Variants in RALGAPA2 observed in about 807,000 individuals in gnomAD.
RALGAPA2 encodes the protein Ral GTPase activating protein catalytic subunit alpha 2.
A neutral mutation model predicts 230.4 loss-of-function variants in RALGAPA2; 139 were observed. The ratio of observed to expected loss-of-function variants is 0.60; its 90% CI spans 0.53 to 0.69. The LOEUF (loss-of-function observed/expected upper bound fraction) is 0.69. RALGAPA2 is among the 30% of genes least tolerant of loss of function. RALGAPA2 has a pLI of 0.00. For missense variants in RALGAPA2, 2,163 were observed against 2,276.0 expected (o/e 0.95, Z 1.01); for synonymous variants, 847 against 837.8 (o/e 1.01, Z -0.19).
intron 36 of RALGAPA2, among the ~76,000 whole-genome samples, chr20:20,489,592 CCAA>C (rs1479509577): frequency 6.6e-6 from 1 of 151,216 alleles, no homozygotes; most frequent in South Asian, 2.1e-4. Context: ...AGCAAAAAAC[CCAA>C]CAACAACAAA....
chr20:20,505,739 C>T (rs1308329933), intron 33 of RALGAPA2, among the ~76,000 whole-genome samples: 2 of 152,086 alleles, frequency 1.3e-5, no homozygotes, highest in African/African-American at 4.8e-5. Flanking sequence ...TTATTATCAC[C>T]TCCCTAGTAG....
At position 20,421,919 on chromosome 20, in the gene RALGAPA2, A is replaced by G. The variant is rs6106247; in HGVS notation, c.5496-9771T>C. On this transcript the variant is annotated intron_variant, in intron 37 of 39. Coordinates refer to ENST00000202677, the MANE Select transcript of RALGAPA2 (RefSeq NM_020343.4). ...CTGATGAATGGATAAACAAAATGTA[A>G]TATAACATATAATAAAATATTATTC... Among the ~76,000 whole-genome samples, 1,202 of 152,346 alleles carry G rather than the reference A, an allele frequency of 7.9e-3. 21 individuals are homozygous for G. The highest frequency in any genetic ancestry group is 0.027 in the African/African-American group (1,135 of 41,570).
chr20:20,674,772 A>T (rs1449648178), intron 3 of RALGAPA2, among the ~76,000 whole-genome samples: 1 of 152,232 alleles, frequency 6.6e-6, no homozygotes, highest in Non-Finnish European at 1.5e-5. Flanking sequence ...TTTCTATTAC[A>T]CTCAAAACAA....
Position 20,653,569 on chromosome 20 carries a change from G to A in RALGAPA2, c.289C>T (p.Pro97Ser). ...FLFEKILQFL[P>S]ERIFFRWHYQ... is the part of the protein sequence containing the mutation. ...TGCCATCGAAAGAAAATTCGTTCAG[G>A]TAGAAACTGCAGTATTTTCTATTAA... The change falls in exon 4 of 40, where the codon CCT (proline) becomes TCT (serine). Residue 97 changes from proline (P) to serine (S), a missense_variant. By Grantham distance (74) the Pro-to-Ser change is moderately conservative. Coordinates refer to ENST00000202677, the MANE Select transcript of RALGAPA2 (RefSeq NM_020343.4). The A allele has an allele frequency of 6.7e-7, 1 of 1,497,786 alleles. No homozygotes were observed. The highest frequency in any genetic ancestry group is 9.1e-7 in the Non-Finnish European group (1 of 1,102,696). The allele number at this position is 1,497,786 out of a possible 1,614,324, so 92.8% of individuals were successfully genotyped here.
At chr20:20,440,294 G>A (rs1406336473) in intron 37 of RALGAPA2, among the ~76,000 whole-genome samples, 1 of 152,184 alleles carries the variant, frequency 6.6e-6, no homozygotes, top group African/African-American at 2.4e-5. Flanking sequence ...TTTTTGTATG[G>A]TGACGACTTG....
chr20:20,685,413 T>C (rs2068664948), intron 1 of RALGAPA2, among the ~76,000 whole-genome samples: 3 of 152,188 alleles, frequency 2.0e-5, no homozygotes, highest in Admixed American at 2.0e-4. Flanking sequence ...TCATGTGTTA[T>C]GCTTTAAAGG....
At chr20:20,600,822 G>A (rs1367119701) in intron 16 of RALGAPA2, among the ~76,000 whole-genome samples, 2 of 152,144 alleles carry the variant, frequency 1.3e-5, no homozygotes, top group Non-Finnish European at 2.9e-5. Context: ...AAAATGTAGG[G>A]CGGGCGCAGT....
At chr20:20,404,362 T>A (rs1179777568) in intron 38 of RALGAPA2, among the ~76,000 whole-genome samples, 1 of 152,148 alleles carries the variant, frequency 6.6e-6, no homozygotes, top group African/African-American at 2.4e-5. Context: ...TGGAAAAGGG[T>A]AGTACAAAAT....
At position 20,517,893 on chromosome 20, in the gene RALGAPA2, A is replaced by G. The variant is rs183428259; in HGVS notation, c.4084+3024T>C. The stretch of plus-strand genomic sequence containing the variant: ...CAGTCTACACAAATGAGAAGGAACC[A>G]GAAAATACAGGTAATATGATAAAAC... On this transcript the variant is annotated intron_variant, in intron 31 of 39. Transcript: ENST00000202677. Among the ~76,000 whole-genome samples, 483 of 152,316 alleles carry G rather than the reference A, an allele frequency of 3.2e-3. 1 individual carries two copies. The highest frequency in any genetic ancestry group is 0.01 in the Middle Eastern group (3 of 294).
intron 16 of RALGAPA2, among the ~76,000 whole-genome samples, chr20:20,595,542 T>C (rs1286827730): frequency 6.6e-6 from 1 of 152,150 alleles, no homozygotes; most frequent in African/African-American, 2.4e-5. Context: ...TTTTTTAGAA[T>C]AAGGGGAGAT....
chr20:20,604,083 C>G (rs1423513403), intron 15 of RALGAPA2, among the ~76,000 whole-genome samples: 1 of 152,200 alleles, frequency 6.6e-6, no homozygotes, highest in Admixed American at 6.5e-5. Context: ...TTCCATCTCC[C>G]CAGCAAGCCC....
intron 32 of RALGAPA2, among the ~76,000 whole-genome samples, chr20:20,511,828 A>T (rs2062712505): frequency 1.3e-5 from 2 of 152,200 alleles, no homozygotes; most frequent in South Asian, 4.1e-4. Context: ...ACTGTGGCTT[A>T]TTCACCTTTG....
At chr20:20,463,189 GTTTT>G (rs370131355) in intron 37 of RALGAPA2, among the ~76,000 whole-genome samples, 1 of 145,404 alleles carries the variant, frequency 6.9e-6, no homozygotes, top group Non-Finnish European at 1.5e-5. Flanking sequence ...GTAGGATTCA[GTTTT>G]TTTTTTTTCT....
intron 31 of RALGAPA2, among the ~76,000 whole-genome samples, chr20:20,514,471 G>A (rs1569456482): frequency 6.6e-6 from 1 of 152,026 alleles, no homozygotes; most frequent in Non-Finnish European, 1.5e-5. Flanking sequence ...TGGTGCAGGG[G>A]AACCCTCTCC....
intron 18 of RALGAPA2, among the ~76,000 whole-genome samples, chr20:20,588,927 T>C (rs1812290480): frequency 6.6e-6 from 1 of 152,174 alleles, no homozygotes; most frequent in African/African-American, 2.4e-5. Context: ...ATTCTAGTAA[T>C]TCATGTCAGG....
At chr20:20,463,359 G>A (rs758695443) in intron 37 of RALGAPA2, among the ~76,000 whole-genome samples, 3 of 152,146 alleles carry the variant, frequency 2.0e-5, no homozygotes, top group South Asian at 2.1e-4. Flanking sequence ...ATGGATAAAC[G>A]GTTCAGACAG....
intron 37 of RALGAPA2, among the ~76,000 whole-genome samples, chr20:20,431,322 G>A (rs1342398890): frequency 6.6e-6 from 1 of 152,208 alleles, no homozygotes; most frequent in Non-Finnish European, 1.5e-5. Context: ...ACAATGCATG[G>A]TGGTGAGTCT....
chr20:20,605,303 A>G lies in RALGAPA2; in HGVS notation c.1910T>C (p.Ile637Thr), dbSNP rs777022154. The G allele has an allele frequency of 3.1e-6, 5 of 1,613,748 alleles. No homozygotes were observed. Among genetic ancestry groups the G allele is most frequent in the African/African-American group, 1.3e-5 (1 of 74,924 alleles). Residue 637 changes from isoleucine to threonine, a missense_variant, in exon 15 of 40, where the codon ATA becomes ACA. Physicochemically the swap from Ile to Thr is moderately conservative, Grantham distance 89. Transcript: ENST00000202677. ...LSSLTEWEEL[I>T]NEWANIMDSL... ...GTCCATAATGTTGGCCCACTCGTTT[A>G]TAAGTTCCTCCCATTCCGTGAGGGA...
At chr20:20,396,154 C>G (rs781636471) in intron 39 of RALGAPA2, among the ~76,000 whole-genome samples, 1 of 152,330 alleles carries the variant, frequency 6.6e-6, no homozygotes, top group South Asian at 2.1e-4. Flanking sequence ...GGTCCTAGAC[C>G]GCAGCCCATT....
Sources: gnomAD v4.1 joint callset for allele counts (sites outside exome capture counted in the v4.1 genomes callset) on GRCh38, gnomAD v4.1.1 for gene constraint, MANE v1.5 for transcripts, NCBI Gene and HGNC (gene_info 2026-07-23, HGNC 2026-07-21) for gene names.